Variants in PANK1 observed in about 807,000 individuals in gnomAD.
PANK1 encodes pantothenic acid kinase 1.
A neutral mutation model predicts 40.1 loss-of-function variants in PANK1; 18 were observed. The observed-to-expected ratio is 0.45, with a 90% CI of 0.31 to 0.67. PANK1 has a LOEUF of 0.67. Among genes scored for constraint, PANK1 ranks in the 30% least tolerant of loss-of-function variants. PANK1 has a pLI of 0.06. For synonymous variants in PANK1, 242 were observed against 237.7 expected (o/e 1.02, Z -0.17); for missense variants, 457 against 599.6 (o/e 0.76, Z 2.48).
chr10:89,585,040 T>A (rs1271659245), intron 6 of PANK1, among the ~76,000 whole-genome samples: 1 of 152,208 alleles, frequency 6.6e-6, no homozygotes, highest in Non-Finnish European at 1.5e-5. Flanking sequence ...TTGTTCAGGC[T>A]GCTATATATA....
At position 89,593,801 on chromosome 10, in the gene PANK1, C is replaced by T. The variant is rs200552749; in HGVS notation, c.1076+12G>A. ...GTTTAATCACTACTGCTCCTAGCTA[C>T]TTAATCTCTACCTTGATGCTACAGC... On this transcript the variant is annotated intron_variant, in intron 4 of 6. Transcript: ENST00000307534. 213 of 1,604,184 alleles carry T rather than the reference C, an allele frequency of 1.3e-4. No homozygotes were observed. The highest frequency in any genetic ancestry group is 1.7e-4 in the Non-Finnish European group (203 of 1,171,222).
At chr10:89,632,200 A>G (rs1219294529) in intron 1 of PANK1, among the ~76,000 whole-genome samples, 1 of 152,194 alleles carries the variant, frequency 6.6e-6, no homozygotes, top group African/African-American at 2.4e-5. Context: ...ACACTTTCCA[A>G]AACGCTCACT....
intron 2 of PANK1, among the ~76,000 whole-genome samples, chr10:89,607,864 C>T (rs4934488): frequency 0.037 from 5,647 of 152,200 alleles, 408 homozygotes; most frequent in East Asian, 0.28. Context: ...AGTTCTCCAT[C>T]TTGAAAGCCA....
At chr10:89,623,687 A>C (rs1163880577) in intron 1 of PANK1, among the ~76,000 whole-genome samples, 3 of 152,236 alleles carry the variant, frequency 2.0e-5, no homozygotes, top group Non-Finnish European at 4.4e-5. Flanking sequence ...AGAAAATAAT[A>C]TGCTTTCATT....
chr10:89,640,515 G>A (rs1841939914), intron 1 of PANK1, among the ~76,000 whole-genome samples: 1 of 152,058 alleles, frequency 6.6e-6, no homozygotes, highest in Non-Finnish European at 1.5e-5. Flanking sequence ...TAGAGAAAAG[G>A]TCTACTTAGA....
intron 2 of PANK1, among the ~76,000 whole-genome samples, chr10:89,605,030 T>C (rs143221943): frequency 1.7e-4 from 26 of 149,666 alleles, no homozygotes; most frequent in East Asian, 3.9e-4. Flanking sequence ...GGATTACAGG[T>C]GTGAGCCACC....
At chr10:89,613,868 G>C (rs1845237008) in intron 1 of PANK1, 5 of 420,266 alleles carry the variant, frequency 1.2e-5, no homozygotes, top group Non-Finnish European at 2.4e-5. Context: ...CCCCAGACTG[G>C]GATTCGGAAC....
intron 1 of PANK1, among the ~76,000 whole-genome samples, chr10:89,614,468 A>T (rs1419800431): frequency 1.3e-5 from 2 of 152,206 alleles, no homozygotes; most frequent in Non-Finnish European, 2.9e-5. Context: ...AATAAAATGG[A>T]TGACTTCCAA....
chr10:89,615,079 T>G (rs1188657228), intron 1 of PANK1, among the ~76,000 whole-genome samples: 1 of 152,128 alleles, frequency 6.6e-6, no homozygotes, highest in Non-Finnish European at 1.5e-5. Context: ...GCAGGTTGTA[T>G]AGTTGGTGGC....
intron 2 of PANK1, among the ~76,000 whole-genome samples, chr10:89,609,849 C>A (rs915877878): frequency 1.3e-5 from 2 of 152,214 alleles, no homozygotes; most frequent in Non-Finnish European, 2.9e-5. Flanking sequence ...TCATGGCCAA[C>A]ACATATTGAG....
At chr10:89,620,458 C>T (rs11185806) in intron 1 of PANK1, among the ~76,000 whole-genome samples, 23,030 of 152,172 alleles carry the variant, frequency 0.15, 2,206 homozygotes, top group East Asian at 0.46. Context: ...TGAAATACAC[C>T]GTGGTCTCCT....
intron 1 of PANK1, among the ~76,000 whole-genome samples, chr10:89,613,610 G>A (rs1213681790): frequency 6.6e-5 from 10 of 152,216 alleles, no homozygotes. Context: ...AAAAGATTAA[G>A]AGCAACAAAT....
At chr10:89,612,111 G>A in intron 1 of PANK1, 63 bp from the exon 2 acceptor site, 1 of 1,343,020 alleles carries the variant, frequency 7.4e-7, no homozygotes, top group Non-Finnish European at 1.0e-6. Flanking sequence ...TTCAGTTTTT[G>A]AATATTAAAT....
At chr10:89,585,695 A>G (rs35595938) in intron 6 of PANK1, among the ~76,000 whole-genome samples, 3,609 of 152,304 alleles carry the variant, frequency 0.024, 59 homozygotes, top group Non-Finnish European at 0.038. Context: ...AGTAAAACGC[A>G]GTGTTCTTAA....
chr10:89,644,391 G>A (rs1301656736), intron 1 of PANK1, among the ~76,000 whole-genome samples: 1 of 152,172 alleles, frequency 6.6e-6, no homozygotes, highest in Non-Finnish European at 1.5e-5. Flanking sequence ...TGATAGAAGC[G>A]AGCAAAGGGC....
chr10:89,584,571 C>A, intron 6 of PANK1, 106 bp from the exon 7 acceptor site: 1 of 750,128 alleles, frequency 1.3e-6, no homozygotes, highest in Non-Finnish European at 2.3e-6. Context: ...AAATTTAAAA[C>A]CTAAATTGTG....
At chr10:89,589,179 C>T (rs898990683) in intron 5 of PANK1, among the ~76,000 whole-genome samples, 13 of 152,106 alleles carry the variant, frequency 8.5e-5, no homozygotes, top group Admixed American at 3.9e-4. Context: ...ACAAATAAAA[C>T]GGCTATGGTA....
Position 89,591,037 on chromosome 10 carries a change from T to A in PANK1, c.1200+2160A>T, listed in dbSNP as rs552357602. On this transcript the variant is annotated intron_variant, in intron 5 of 6. Coordinates refer to ENST00000307534, the MANE Select transcript of PANK1 (RefSeq NM_148977.3). ...CTGTTCTCTCTCCTTTACATATGTT[T>A]ATGAATTTTCTTAATAAAAAGCTGA... 2.6e-5 allele frequency among the ~76,000 whole-genome samples: 4 copies of A among 151,218 alleles called. No homozygotes were observed. The East Asian group carries it at 7.7e-4, about 29-fold the overall frequency.
At chr10:89,611,666 G>T in intron 2 of PANK1, 30 bp downstream of exon 2, 3 of 1,488,716 alleles carry the variant, frequency 2.0e-6, no homozygotes, top group Non-Finnish European at 2.8e-6. Context: ...GAGAGGTTTT[G>T]ATGTTTTAAC....
Sources: allele counts gnomAD v4.1 joint callset (sites outside exome capture counted in the v4.1 genomes callset), GRCh38; gene constraint gnomAD v4.1.1; transcripts MANE v1.5; gene names NCBI Gene and HGNC (gene_info 2026-07-23, HGNC 2026-07-21).